SGCZ: variants seen among roughly 807,000 people sequenced by gnomAD.
The protein encoded by SGCZ is zeta-sarcoglycan.
In SGCZ, 40 loss-of-function variants were observed where a neutral mutation model predicts 41.3. That is an observed-to-expected ratio of 0.97 (90% CI 0.75 to 1.26). SGCZ has a LOEUF of 1.26. Ranked by LOEUF, SGCZ falls within the 50% of genes most tolerant of loss-of-function variation. The pLI is 0.00. For missense variants in SGCZ, 552 were observed against 369.8 expected, an observed-to-expected ratio of 1.49 and a Z score of -4.04; for synonymous variants, 206 against 137.5, an observed-to-expected ratio of 1.50 and a Z score of -3.49.
chr8:14,528,564 T>G (rs1376742402), intron 2 of SGCZ, among the ~76,000 whole-genome samples: 1 of 152,122 alleles, frequency 6.6e-6, no homozygotes, highest in Non-Finnish European at 1.5e-5. Flanking sequence ...GCCTTAGTTT[T>G]CTTTTATTTA....
chr8:14,559,618 T>C (rs79422815), intron 1 of SGCZ, among the ~76,000 whole-genome samples: 15,499 of 152,108 alleles, frequency 0.1, 1,007 homozygotes, highest in East Asian at 0.34. Flanking sequence ...GTTTTCCATC[T>C]TTTTGTTTTA....
chr8:14,628,996 G>T (rs1042078034), intron 1 of SGCZ, among the ~76,000 whole-genome samples: 1 of 152,002 alleles, frequency 6.6e-6, no homozygotes, highest in South Asian at 2.1e-4. Flanking sequence ...ACTTAACACA[G>T]GATGTTTGCA....
At chr8:14,906,935 C>T (rs1799135317) in intron 1 of SGCZ, among the ~76,000 whole-genome samples, 1 of 152,102 alleles carries the variant, frequency 6.6e-6, no homozygotes, top group Admixed American at 6.5e-5. Flanking sequence ...AATACATATA[C>T]TTTAAAAAAG....
intron 1 of SGCZ, among the ~76,000 whole-genome samples, chr8:14,676,752 T>G (rs747629473): frequency 2.0e-5 from 3 of 152,138 alleles, no homozygotes; most frequent in African/African-American, 7.2e-5. Flanking sequence ...AAGAATCTGA[T>G]AAAATCCAAC....
intron 1 of SGCZ, among the ~76,000 whole-genome samples, chr8:14,796,046 T>C (rs767028184): frequency 6.6e-6 from 1 of 152,224 alleles, no homozygotes; most frequent in African/African-American, 2.4e-5. Context: ...GGTGTGTATG[T>C]ACCACATTTT....
intron 2 of SGCZ, among the ~76,000 whole-genome samples, chr8:14,518,477 C>G: frequency 6.6e-6 from 1 of 152,122 alleles, no homozygotes; most frequent in South Asian, 2.1e-4. Flanking sequence ...CAACATGCCA[C>G]TTATTATAAT....
chr8:14,761,519 T>G (rs1354042905), intron 1 of SGCZ, among the ~76,000 whole-genome samples: 4 of 147,392 alleles, frequency 2.7e-5, no homozygotes, highest in Non-Finnish European at 6.0e-5. Flanking sequence ...ATTATTATTA[T>G]TTTATTTATT....
intron 1 of SGCZ, among the ~76,000 whole-genome samples, chr8:15,058,435 AC>A (rs1232236746): frequency 6.6e-6 from 1 of 152,184 alleles, no homozygotes; most frequent in East Asian, 1.9e-4. Flanking sequence ...AGGTGAATAT[AC>A]TACTCCTCCC....
chr8:15,105,216 T>A (rs1340278752), intron 1 of SGCZ, among the ~76,000 whole-genome samples: 1 of 152,196 alleles, frequency 6.6e-6, no homozygotes, highest in Non-Finnish European at 1.5e-5. Flanking sequence ...GTTGTAAGTG[T>A]TCTTTGCATA....
chr8:15,211,032 T>C (rs1400660430), intron 1 of SGCZ, among the ~76,000 whole-genome samples: 1 of 149,136 alleles, frequency 6.7e-6, no homozygotes, highest in African/African-American at 2.5e-5. Context: ...TATATACATA[T>C]ATAGATATAG....
At chr8:14,910,725 A>G (rs1396178617) in intron 1 of SGCZ, among the ~76,000 whole-genome samples, 2 of 151,964 alleles carry the variant, frequency 1.3e-5, no homozygotes, top group East Asian at 3.9e-4. Context: ...TCAAATTTAT[A>G]TATTTTTATT....
At chr8:14,228,751 T>C (rs961525646) in intron 4 of SGCZ, among the ~76,000 whole-genome samples, 7 of 152,200 alleles carry the variant, frequency 4.6e-5, no homozygotes, top group East Asian at 1.9e-4. Flanking sequence ...CCCTCATTTA[T>C]ATACCCTCAA....
chr8:14,096,848 C>T (rs1363140974), intron 7 of SGCZ, among the ~76,000 whole-genome samples: 1 of 151,986 alleles, frequency 6.6e-6, no homozygotes, highest in Non-Finnish European at 1.5e-5. Context: ...TGTATGTGTC[C>T]AGGAATTTAT....
At chr8:14,880,324 G>C (rs953018586) in intron 1 of SGCZ, among the ~76,000 whole-genome samples, 1 of 152,142 alleles carries the variant, frequency 6.6e-6, no homozygotes, top group Non-Finnish European at 1.5e-5. Context: ...AGAGGATGTG[G>C]AGAAATAGGA....
chr8:14,477,399 A>G (rs1354984952), intron 2 of SGCZ, among the ~76,000 whole-genome samples: 3 of 152,092 alleles, frequency 2.0e-5, no homozygotes, highest in Admixed American at 1.3e-4. Flanking sequence ...TTTGCTACCT[A>G]TATTTTTATA....
intron 1 of SGCZ, among the ~76,000 whole-genome samples, chr8:15,052,138 A>T (rs1804537565): frequency 6.6e-6 from 1 of 152,208 alleles, no homozygotes; most frequent in Non-Finnish European, 1.5e-5. Context: ...GATTTCATCA[A>T]GAGGAGGAGA....
chr8:14,358,927 G>C (rs980362655), intron 2 of SGCZ, among the ~76,000 whole-genome samples: 2 of 152,040 alleles, frequency 1.3e-5, no homozygotes, highest in African/African-American at 4.8e-5. Context: ...TATTCTTTAA[G>C]GGCAAATAAA....
At chr8:14,700,379 T>C (rs1809097584) in intron 1 of SGCZ, among the ~76,000 whole-genome samples, 1 of 151,934 alleles carries the variant, frequency 6.6e-6, no homozygotes, top group African/African-American at 2.4e-5. Flanking sequence ...AAATACCACA[T>C]GTTATCTATT....
At chr8:15,209,106 C>T (rs954469551) in intron 1 of SGCZ, among the ~76,000 whole-genome samples, 6 of 151,852 alleles carry the variant, frequency 4.0e-5, no homozygotes, top group South Asian at 2.1e-4. Context: ...TCACAAATAT[C>T]TTAGTTTTTC....
Sources: gnomAD v4.1 joint callset for allele counts (sites outside exome capture counted in the v4.1 genomes callset) on GRCh38, gnomAD v4.1.1 for gene constraint, MANE v1.5 for transcripts, NCBI Gene and HGNC (gene_info 2026-07-23, HGNC 2026-07-21) for gene names.